Variants in RNF13 observed in about 807,000 individuals in gnomAD.
The protein encoded by RNF13 is E3 ubiquitin-protein ligase RNF13.
RNF13 carries 19 observed loss-of-function variants against 37.7 expected under a neutral mutation model. That is an observed-to-expected ratio of 0.50 (90% CI 0.35 to 0.74). The LOEUF (loss-of-function observed/expected upper bound fraction) is 0.74. Ranked by LOEUF, RNF13 falls within the 30% of genes least tolerant of loss-of-function variation. RNF13 has a pLI of 0.01. For missense variants in RNF13, 375 were observed against 453.0 expected, an observed-to-expected ratio of 0.83 and a Z score of 1.56; for synonymous variants, 144 against 157.8, an observed-to-expected ratio of 0.91 and a Z score of 0.65.
intron 8 of RNF13, among the ~76,000 whole-genome samples, chr3:149,922,341 G>A (rs1718223698): frequency 1.3e-5 from 2 of 152,068 alleles, no homozygotes; most frequent in African/African-American, 4.8e-5. Flanking sequence ...TATGCCTAAC[G>A]CTAAGTAGAC....
rs1322487620 is a variant in RNF13, at chr3:149,912,070, T to G, written c.593T>G (p.Ile198Arg). ...LIIVGICLIL[I>R]VIFMITKFVQ... is the part of the protein sequence containing the mutation. ...ATAGTGGGCATCTGTCTCATCTTGATAGTCATTTTCATGGTAGGTACATTA... is the reference window on the plus strand; with the variant it reads ...ATAGTGGGCATCTGTCTCATCTTGAGAGTCATTTTCATGGTAGGTACATTA... The change falls in exon 7 of 10, where the codon ATA (isoleucine) becomes AGA (arginine). Residue 198 changes from isoleucine (I) to arginine (R), a missense_variant. Transcript: ENST00000392894. 1 of 1,531,650 alleles carries G rather than the reference T, an allele frequency of 6.5e-7. No homozygotes were observed. Among genetic ancestry groups the G allele is most frequent in the African/African-American group, 1.4e-5 (1 of 73,166 alleles). The allele number at this position is 1,531,650 out of a possible 1,614,324, so 94.9% of individuals were successfully genotyped here.
chr3:149,832,123 A>G (rs1241913290), intron 1 of RNF13, among the ~76,000 whole-genome samples: 2 of 152,214 alleles, frequency 1.3e-5, no homozygotes, highest in African/African-American at 4.8e-5. Flanking sequence ...AAAAAAACAA[A>G]TTGAAATTAC....
intron 8 of RNF13, among the ~76,000 whole-genome samples, chr3:149,933,691 C>A (rs1719397497): frequency 6.7e-6 from 1 of 150,352 alleles, no homozygotes; most frequent in Admixed American, 6.7e-5. Context: ...TCAAGCAATT[C>A]TCCTGCCTCA....
intron 6 of RNF13, among the ~76,000 whole-genome samples, chr3:149,907,560 G>C (rs191762684): frequency 3.9e-5 from 6 of 152,260 alleles, no homozygotes; most frequent in Admixed American, 2.6e-4. Context: ...TCTGGAGTAA[G>C]AGCTGTGTGG....
intron 7 of RNF13, chr3:149,917,237 G>C (rs1396026825): frequency 6.6e-6 from 1 of 152,192 alleles, no homozygotes; most frequent in African/African-American, 2.4e-5. Flanking sequence ...TGTTCATTCA[G>C]CTCCTCCAGG....
intron 8 of RNF13, among the ~76,000 whole-genome samples, chr3:149,926,193 T>C (rs1260670457): frequency 1.3e-5 from 2 of 152,128 alleles, no homozygotes; most frequent in Non-Finnish European, 2.9e-5. Flanking sequence ...GTAGTATTCT[T>C]CTATTTTTGT....
chr3:149,945,662 C>G (rs959066183), intron 8 of RNF13, among the ~76,000 whole-genome samples: 1 of 152,138 alleles, frequency 6.6e-6, no homozygotes, highest in African/African-American at 2.4e-5. Context: ...CTGGGAGGCA[C>G]CCCCCAGTAG....
At position 149,937,713 on chromosome 3, in the gene RNF13, CAT is replaced by C. The variant is rs567604598; in HGVS notation, c.700+16487_700+16488del. Among the ~76,000 whole-genome samples the C allele has an allele frequency of 4.6e-3, 701 of 152,150 alleles. 2 individuals carry two copies. The highest frequency in any genetic ancestry group is 7.7e-3 in the Non-Finnish European group (522 of 68,014). The stretch of plus-strand genomic sequence containing the variant: ...TCAGAAGTGTGTTTTTTAATCTTCA[CAT>C]GTTTGGGAATTTGCCAGCTATCTGT... On this transcript the variant is annotated intron_variant, in intron 8 of 9. Transcript: ENST00000392894.
intron 8 of RNF13, chr3:149,939,224 TGG>T (rs1720006422): frequency 1.9e-6 from 1 of 514,502 alleles, no homozygotes; most frequent in African/African-American, 2.0e-5. Context: ...CATTTTTGGC[TGG>T]AGTATCTCGT....
intron 7 of RNF13, among the ~76,000 whole-genome samples, chr3:149,914,657 G>A (rs533953639): frequency 2.6e-5 from 4 of 152,132 alleles, no homozygotes; most frequent in African/African-American, 7.2e-5. Context: ...CAGCGGGGCC[G>A]GGTGCGGTGG....
intron 1 of RNF13, among the ~76,000 whole-genome samples, chr3:149,815,821 T>TA (rs1408522980): frequency 5.9e-5 from 9 of 152,224 alleles, no homozygotes; most frequent in Non-Finnish European, 1.0e-4. Context: ...GATTGGTTAA[T>TA]ATGAGCCAAA....
intron 4 of RNF13, among the ~76,000 whole-genome samples, chr3:149,877,141 T>G (rs1305277278): frequency 6.6e-6 from 1 of 152,142 alleles, no homozygotes; most frequent in Non-Finnish European, 1.5e-5. Context: ...GAGAGAAAAA[T>G]ATCATGTTTT....
chr3:149,921,601 T>C (rs1264352263), intron 8 of RNF13, among the ~76,000 whole-genome samples: 1 of 152,242 alleles, frequency 6.6e-6, no homozygotes, highest in African/African-American at 2.4e-5. Context: ...GGTTTCTAGC[T>C]TCATCCATGT....
intron 1 of RNF13, 54 bp downstream of exon 1, chr3:149,813,407 A>G (rs1719102529): frequency 2.6e-5 from 4 of 152,488 alleles, no homozygotes; most frequent in Admixed American, 2.0e-4. Flanking sequence ...CGAGCGGCCC[A>G]GAGAACATAC....
intron 6 of RNF13, among the ~76,000 whole-genome samples, chr3:149,903,423 A>T (rs946295608): frequency 3.3e-5 from 5 of 152,106 alleles, no homozygotes; most frequent in Non-Finnish European, 5.9e-5. Context: ...AAATATGGAA[A>T]AATTGAAATA....
intron 3 of RNF13, among the ~76,000 whole-genome samples, chr3:149,870,799 A>T (rs1036047662): frequency 6.6e-6 from 1 of 151,810 alleles, no homozygotes; most frequent in Non-Finnish European, 1.5e-5. Context: ...AACACTTTCC[A>T]TATCACAAGC....
chr3:149,937,555 A>C (rs962735538), intron 8 of RNF13, among the ~76,000 whole-genome samples: 3 of 152,220 alleles, frequency 2.0e-5, no homozygotes, highest in African/African-American at 7.2e-5. Flanking sequence ...AAATCAACTC[A>C]GATTGCTTCT....
At chr3:149,889,627 T>C (rs1444134475) in intron 4 of RNF13, among the ~76,000 whole-genome samples, 2 of 150,584 alleles carry the variant, frequency 1.3e-5, no homozygotes, top group East Asian at 2.0e-4. Context: ...AATGAATAAA[T>C]AGATTAACTT....
intron 3 of RNF13, among the ~76,000 whole-genome samples, chr3:149,863,701 A>C (rs1458698532): frequency 6.6e-6 from 1 of 152,154 alleles, no homozygotes; most frequent in African/African-American, 2.4e-5. Flanking sequence ...ATAATACTAA[A>C]GGAGAATTTT....
Sources: gnomAD v4.1 joint callset for allele counts (sites outside exome capture counted in the v4.1 genomes callset) on GRCh38, gnomAD v4.1.1 for gene constraint, MANE v1.5 for transcripts, NCBI Gene and HGNC (gene_info 2026-07-23, HGNC 2026-07-21) for gene names.